The following NREP variants were observed in gnomAD, a reference collection of about 807,000 sequenced individuals.
NREP encodes the protein neuronal regeneration related protein, also known as neuronal regeneration-related protein.
A neutral mutation model predicts 8.6 loss-of-function variants in NREP; 5 were observed. The ratio of observed to expected loss-of-function variants is 0.58; its 90% CI spans 0.30 to 1.22. The LOEUF is 1.22. Among genes scored for constraint, NREP ranks in the 50% most tolerant of loss-of-function variants. NREP has a pLI of 0.07. For missense variants in NREP, 86 were observed against 82.5 expected (o/e 1.04, Z -0.17); for synonymous variants, 27 against 28.0 (o/e 0.96, Z 0.11).
At chr5:111,870,319 C>A (rs1217672142) in intron 2 of NREP, among the ~76,000 whole-genome samples, 1 of 152,056 alleles carries the variant, frequency 6.6e-6, no homozygotes, top group Non-Finnish European at 1.5e-5. Context: ...GTCCCAGCTA[C>A]CCAGGAGGCT....
At chr5:111,975,495 G>A (rs1304026163) in intron 1 of NREP, 1 of 691,718 alleles carries the variant, frequency 1.4e-6, no homozygotes, top group South Asian at 1.8e-5. Context: ...TCTAAAATGA[G>A]AAGGACACTG....
At chr5:111,916,220 T>TAG (rs1171361692) in intron 2 of NREP, among the ~76,000 whole-genome samples, 2 of 151,950 alleles carry the variant, frequency 1.3e-5, no homozygotes, top group South Asian at 4.2e-4. Context: ...ATGTTGATGA[T>TAG]AGAGAGAGAG....
intron 2 of NREP, among the ~76,000 whole-genome samples, chr5:111,753,354 GTA>G (rs941510503): frequency 3.0e-4 from 39 of 128,830 alleles, no homozygotes; most frequent in South Asian, 7.3e-4. Flanking sequence ...ATATATATAT[GTA>G]TATATATATG....
chr5:111,962,746 G>A (rs1376437374), intron 2 of NREP, among the ~76,000 whole-genome samples: 1 of 152,130 alleles, frequency 6.6e-6, no homozygotes, highest in Non-Finnish European at 1.5e-5. Flanking sequence ...GACTCAGTCG[G>A]TAGAGAGAGA....
chr5:111,840,444 T>G (rs552994365), intron 2 of NREP, among the ~76,000 whole-genome samples: 1 of 152,262 alleles, frequency 6.6e-6, no homozygotes, highest in Admixed American at 6.5e-5. Context: ...ATCAGAAATA[T>G]TGGCTCAGCA....
chr5:111,880,089 A>G (rs373106670), intron 2 of NREP, among the ~76,000 whole-genome samples: 214 of 152,302 alleles, frequency 1.4e-3, no homozygotes, highest in African/African-American at 5.0e-3. Context: ...AATTCAGAGC[A>G]TGTATTCTTG....
chr5:111,828,990 G>C (rs1264162292), intron 2 of NREP, among the ~76,000 whole-genome samples: 3 of 152,118 alleles, frequency 2.0e-5, no homozygotes, highest in Admixed American at 6.5e-5. Context: ...GACATTTAGA[G>C]GGGGAGACAG....
intron 2 of NREP, chr5:111,974,640 G>A (rs26553): frequency 0.98 from 149,580 of 152,364 alleles, 73,455 homozygotes; most frequent in Middle Eastern, 1. Flanking sequence ...GGGTGTATGT[G>A]TACAATACAG....
At chr5:111,924,914 C>G (rs1282398275) in intron 2 of NREP, among the ~76,000 whole-genome samples, 1 of 152,094 alleles carries the variant, frequency 6.6e-6, no homozygotes, top group Non-Finnish European at 1.5e-5. Flanking sequence ...CCCATGTGAG[C>G]TAAAATGTCT....
chr5:111,799,793 G>C (rs190610713), intron 2 of NREP, among the ~76,000 whole-genome samples: 247 of 152,340 alleles, frequency 1.6e-3, no homozygotes, highest in Non-Finnish European at 2.7e-3. Context: ...TTGTAACTAA[G>C]ACATTTCTAA....
At chr5:111,753,908 A>C (rs184695519) in intron 2 of NREP, among the ~76,000 whole-genome samples, 1 of 152,312 alleles carries the variant, frequency 6.6e-6, no homozygotes, top group Non-Finnish European at 1.5e-5. Context: ...AAAAAGTGAA[A>C]CCTTTTTTTA....
At chr5:111,849,775 G>C (rs917519614) in intron 2 of NREP, among the ~76,000 whole-genome samples, 1 of 152,076 alleles carries the variant, frequency 6.6e-6, no homozygotes, top group Non-Finnish European at 1.5e-5. Flanking sequence ...CTCCCTTGTA[G>C]CTAGGTGTGG....
chr5:111,842,519 T>C (rs1298364054), intron 2 of NREP, among the ~76,000 whole-genome samples: 2 of 152,212 alleles, frequency 1.3e-5, no homozygotes, highest in South Asian at 2.1e-4. Flanking sequence ...GTTATTGCTG[T>C]CACAATTCAC....
chr5:111,916,159 A>G (rs1248504707), intron 2 of NREP, among the ~76,000 whole-genome samples: 2 of 152,110 alleles, frequency 1.3e-5, no homozygotes, highest in Non-Finnish European at 2.9e-5. Context: ...TATATAGTAT[A>G]TAGTGATCAA....
intron 2 of NREP, among the ~76,000 whole-genome samples, chr5:111,854,342 GCT>G (rs1287104241): frequency 6.6e-6 from 1 of 152,092 alleles, no homozygotes; most frequent in Non-Finnish European, 1.5e-5. Flanking sequence ...CCTTTCCTTG[GCT>G]CTGTCAGGGA....
At chr5:111,843,475 T>C (rs970057327) in intron 2 of NREP, among the ~76,000 whole-genome samples, 21 of 152,214 alleles carry the variant, frequency 1.4e-4, no homozygotes, top group Middle Eastern at 3.4e-3. Flanking sequence ...TCTATATGTG[T>C]TCTCTTGTAG....
At chr5:111,863,899 A>G (rs2112485280) in intron 2 of NREP, among the ~76,000 whole-genome samples, 1 of 152,264 alleles carries the variant, frequency 6.6e-6, no homozygotes, top group Middle Eastern at 3.4e-3. Context: ...TACCTTGGCA[A>G]TTAGATCCAA....
At chr5:111,953,093 C>T (rs1756210983) in intron 2 of NREP, among the ~76,000 whole-genome samples, 1 of 152,092 alleles carries the variant, frequency 6.6e-6, no homozygotes, top group South Asian at 2.1e-4. Context: ...AGATATCTTA[C>T]TAAGTAGCCC....
chr5:111,751,170 G>T (rs539830482), intron 2 of NREP, among the ~76,000 whole-genome samples: 1 of 152,142 alleles, frequency 6.6e-6, no homozygotes, highest in Non-Finnish European at 1.5e-5. Flanking sequence ...AGCACTATAT[G>T]AAGTTTATAA....
Sources: gnomAD v4.1 joint callset for allele counts (sites outside exome capture counted in the v4.1 genomes callset) on GRCh38, gnomAD v4.1.1 for gene constraint, MANE v1.5 for transcripts, NCBI Gene and HGNC (gene_info 2026-07-23, HGNC 2026-07-21) for gene names.